Variants in NR3C2 observed in about 807,000 individuals in gnomAD.
NR3C2 encodes nuclear receptor subfamily 3 group C member 2, also known as mineralocorticoid receptor.
A neutral mutation model predicts 86.4 loss-of-function variants in NR3C2; 15 were observed. That is an observed-to-expected ratio of 0.17 (90% CI 0.12 to 0.27). The LOEUF is 0.27. Ranked by LOEUF, NR3C2 falls within the 10% of genes least tolerant of loss-of-function variation. The pLI is 1.00. For missense variants in NR3C2, 960 were observed against 1,195.6 expected (o/e 0.80, Z 2.91); for synonymous variants, 458 against 450.5 (o/e 1.02, Z -0.21).
intron 3 of NR3C2, among the ~76,000 whole-genome samples, chr4:148,223,994 G>A (rs988376607): frequency 6.6e-6 from 1 of 152,136 alleles, no homozygotes; most frequent in South Asian, 2.1e-4. Flanking sequence ...AGGTGTTGAC[G>A]ATGTTGATTT....
intron 2 of NR3C2, among the ~76,000 whole-genome samples, chr4:148,430,758 G>C (rs1023363747): frequency 6.6e-6 from 1 of 151,788 alleles, no homozygotes; most frequent in Non-Finnish European, 1.5e-5. Flanking sequence ...TGTTTATATT[G>C]AAAGTTTAGT....
At position 148,120,207 on chromosome 4, in the gene NR3C2, G is replaced by C; in HGVS notation, c.2592C>G (p.Leu864=). The C allele has an allele frequency of 6.2e-7, 1 of 1,614,144 alleles. No individual in the cohort carries two copies. Among genetic ancestry groups the C allele is most frequent in the Non-Finnish European group, 8.5e-7 (1 of 1,180,006 alleles). The change falls in exon 7 of 9, where the codon CTC becomes CTG. Residue 864 remains leucine (L), a synonymous_variant. Transcript: ENST00000358102. ...TCATGATGGTGTATTCTTCAAAGGT[G>C]AGCTGCAGTCGAACGAACTGAAGGC... ...QISLQFVRLQ[L]TFEEYTIMKV...
intron 3 of NR3C2, among the ~76,000 whole-genome samples, chr4:148,207,237 C>T (rs1296584764): frequency 1.3e-5 from 2 of 152,122 alleles, no homozygotes; most frequent in South Asian, 2.1e-4. Context: ...ATAGGTGATA[C>T]TATCCTCATG....
At chr4:148,116,239 A>T (rs553781738) in intron 7 of NR3C2, among the ~76,000 whole-genome samples, 25 of 152,340 alleles carry the variant, frequency 1.6e-4, no homozygotes, top group African/African-American at 5.8e-4. Context: ...ATAGTTGTAG[A>T]TCAAAAATTC....
At chr4:148,206,983 A>T (rs1181633424) in intron 3 of NR3C2, among the ~76,000 whole-genome samples, 4 of 152,054 alleles carry the variant, frequency 2.6e-5, no homozygotes, top group South Asian at 4.2e-4. Context: ...GTACAGTGGC[A>T]TGATCACAGC....
chr4:148,290,953 AAATT>A (rs1306481524), intron 2 of NR3C2, among the ~76,000 whole-genome samples: 4 of 152,296 alleles, frequency 2.6e-5, no homozygotes, highest in African/African-American at 9.6e-5. Context: ...ATGAGCAAAC[AAATT>A]AATTATCTGT....
At chr4:148,081,529 G>C (rs187263316) in intron 8 of NR3C2, 30 bp from the exon 9 acceptor site, 3 of 1,613,458 alleles carry the variant, frequency 1.9e-6, no homozygotes, top group Admixed American at 3.3e-5. Context: ...GGCATGACAC[G>C]GGGGCCTCCT....
chr4:148,335,391 G>A (rs1046115336), intron 2 of NR3C2, among the ~76,000 whole-genome samples: 40 of 152,156 alleles, frequency 2.6e-4, no homozygotes, highest in African/African-American at 9.2e-4. Context: ...TAACTAAATA[G>A]GAATTTCTCG....
intron 2 of NR3C2, among the ~76,000 whole-genome samples, chr4:148,307,183 T>C (rs574248214): frequency 6.6e-6 from 1 of 151,884 alleles, no homozygotes; most frequent in South Asian, 2.1e-4. Flanking sequence ...AAAAAAAACT[T>C]GGCAAAGAGA....
intron 3 of NR3C2, among the ~76,000 whole-genome samples, chr4:148,241,337 G>GAAAAAGAAAAAAA (rs1483518616): frequency 9.9e-6 from 1 of 100,666 alleles, no homozygotes; most frequent in Non-Finnish European, 1.9e-5. Flanking sequence ...AAAAAAAGGG[G>GAAAAAGAAAAAAA]AAAAATAAAA....
At chr4:148,095,402 A>G (rs903232713) in intron 8 of NR3C2, among the ~76,000 whole-genome samples, 2 of 152,208 alleles carry the variant, frequency 1.3e-5, no homozygotes, top group African/African-American at 2.4e-5. Flanking sequence ...TAAGGAAAAT[A>G]CAACCTTAAC....
rs1730521399 is a variant in NR3C2, at chr4:148,080,899, CAAAA to C, written c.*441_*444del. 1 of 352,656 alleles carries C rather than the reference CAAAA, an allele frequency of 2.8e-6. No homozygotes were observed. The highest frequency in any genetic ancestry group is 2.1e-5 in the African/African-American group (1 of 46,600). 21.8% of individuals were successfully genotyped at this position (352,656 alleles called of 1,614,324 possible). On this transcript the variant is annotated 3_prime_UTR_variant, in exon 9 of 9. Transcript: ENST00000358102. ...TTATTTTTTTGTGTTTTTTTAATAA[CAAAA>C]GAATATTAATGCCCCATATTGACTA...
intron 2 of NR3C2, among the ~76,000 whole-genome samples, chr4:148,271,034 A>G (rs72728455): frequency 1.5e-3 from 228 of 152,280 alleles, no homozygotes; most frequent in Non-Finnish European, 2.3e-3. Flanking sequence ...CTTTACTATT[A>G]TGTGGGCAAT....
chr4:148,368,828 T>G (rs1746275901), intron 2 of NR3C2, among the ~76,000 whole-genome samples: 1 of 152,184 alleles, frequency 6.6e-6, no homozygotes, highest in African/African-American at 2.4e-5. Context: ...TTCATAAATC[T>G]TCTGCTCTGT....
intron 2 of NR3C2, among the ~76,000 whole-genome samples, chr4:148,307,325 AGGTGAAAATGAAAT>A (rs1293492727): frequency 6.6e-6 from 1 of 152,182 alleles, no homozygotes; most frequent in African/African-American, 2.4e-5. Context: ...GTGTACTAGA[AGGTGAAAATGAAAT>A]GGTGAGCTAA....
intron 2 of NR3C2, among the ~76,000 whole-genome samples, chr4:148,309,347 A>T (rs1742794537): frequency 6.6e-6 from 1 of 152,246 alleles, no homozygotes; most frequent in Non-Finnish European, 1.5e-5. Context: ...TGAACAAAAC[A>T]CAATTTTGCC....
At chr4:148,098,864 T>C (rs538530878) in intron 8 of NR3C2, among the ~76,000 whole-genome samples, 1 of 152,354 alleles carries the variant, frequency 6.6e-6, no homozygotes, top group East Asian at 1.9e-4. Flanking sequence ...ACACTGACAA[T>C]AACATTTCTC....
intron 6 of NR3C2, 55 bp from the exon 7 acceptor site, chr4:148,120,343 G>C: frequency 6.2e-7 from 1 of 1,610,538 alleles, no homozygotes; most frequent in African/African-American, 1.3e-5. Flanking sequence ...ATCAAACCCA[G>C]ACTGGCAGCC....
chr4:148,355,070 T>C (rs1357840057), intron 2 of NR3C2, among the ~76,000 whole-genome samples: 2 of 152,330 alleles, frequency 1.3e-5, no homozygotes, highest in East Asian at 3.9e-4. Context: ...AAAATTAAAT[T>C]ACCACTTGTT....
Sources: allele counts gnomAD v4.1 joint callset (sites outside exome capture counted in the v4.1 genomes callset), GRCh38; gene constraint gnomAD v4.1.1; transcripts MANE v1.5; gene names NCBI Gene and HGNC (gene_info 2026-07-23, HGNC 2026-07-21).